AGTPBP1: variants seen among roughly 807,000 people sequenced by gnomAD.
AGTPBP1 encodes the protein cytosolic carboxypeptidase 1.
In AGTPBP1, 70 loss-of-function variants were observed where a neutral mutation model predicts 143.9. The ratio of observed to expected loss-of-function variants is 0.49; its 90% CI spans 0.40 to 0.59. The LOEUF (loss-of-function observed/expected upper bound fraction) is 0.59, where lower values mean the gene tolerates loss of function less well. Ranked by LOEUF, AGTPBP1 falls within the 20% of genes least tolerant of loss-of-function variation. The pLI is 0.00. For missense variants in AGTPBP1, 1,229 were observed against 1,464.5 expected (o/e 0.84, Z 2.62); for synonymous variants, 463 against 500.2 (o/e 0.93, Z 0.99).
At chr9:85,581,330 C>T (rs1828245437) in intron 23 of AGTPBP1, among the ~76,000 whole-genome samples, 1 of 152,166 alleles carries the variant, frequency 6.6e-6, no homozygotes, top group Admixed American at 6.5e-5. Context: ...TTGGCCAAGG[C>T]CTCAAGCATG....
intron 13 of AGTPBP1, among the ~76,000 whole-genome samples, chr9:85,634,736 T>C (rs1187995305): frequency 1.3e-5 from 2 of 152,180 alleles, no homozygotes; most frequent in Non-Finnish European, 2.9e-5. Flanking sequence ...GCAATAAAAA[T>C]CTTTTTGCAA....
At chr9:85,582,003 A>T (rs1828293730) in intron 23 of AGTPBP1, among the ~76,000 whole-genome samples, 1 of 152,236 alleles carries the variant, frequency 6.6e-6, no homozygotes, top group South Asian at 2.1e-4. Context: ...TCTAGTCCCA[A>T]GCATTTTAGA....
intron 1 of AGTPBP1, among the ~76,000 whole-genome samples, chr9:85,719,830 A>C (rs185575480): frequency 6.6e-5 from 10 of 152,310 alleles, no homozygotes; most frequent in Middle Eastern, 3.4e-3. Context: ...TTTGAGATAC[A>C]TTCCATCAAT....
chr9:85,752,237 GA>G, the AGTPBP1 span, among the ~76,000 whole-genome samples: 50 of 147,708 alleles, frequency 3.4e-4, no homozygotes, highest in African/African-American at 1.0e-3. Context: ...ACTTTGTCTA[GA>G]AAAAAAAAAG....
chr9:85,615,927 A>T (rs1830577784), intron 17 of AGTPBP1, among the ~76,000 whole-genome samples: 1 of 152,036 alleles, frequency 6.6e-6, no homozygotes, highest in African/African-American at 2.4e-5. Context: ...AATAAATTAC[A>T]GTACTTCCAC....
At chr9:85,626,830 T>A (rs1300432361) in intron 14 of AGTPBP1, among the ~76,000 whole-genome samples, 3 of 152,220 alleles carry the variant, frequency 2.0e-5, no homozygotes, top group African/African-American at 7.2e-5. Flanking sequence ...GACACGAATA[T>A]GAATTTCATA....
chr9:85,776,955 T>C, the AGTPBP1 span, among the ~76,000 whole-genome samples: 2 of 152,182 alleles, frequency 1.3e-5, no homozygotes, highest in Admixed American at 6.5e-5. Context: ...ATGCAGAGCA[T>C]ACACGGCCTT....
At chr9:85,615,858 G>C (rs1298606802) in intron 17 of AGTPBP1, among the ~76,000 whole-genome samples, 2 of 151,636 alleles carry the variant, frequency 1.3e-5, no homozygotes, top group Non-Finnish European at 1.5e-5. Context: ...GTTTATCTCG[G>C]CAATATTTAA....
chr9:85,702,649 GTCTC>G lies in AGTPBP1; in HGVS notation c.33-9840_33-9837del, dbSNP rs1416169024. Among the ~76,000 whole-genome samples the G allele has an allele frequency of 3.4e-5, 5 of 147,498 alleles. No homozygotes were observed. In the Middle Eastern group the frequency reaches 0.011, roughly 314 times the overall value. On this transcript the variant is annotated intron_variant, in intron 2 of 25. Transcript: ENST00000357081. ...ATGTTATTTCTGGTAACGACTCTCTGTCTCTCTCTCTTTTTTTTTTTTAACAGTA... is the reference window on the plus strand; with the variant it reads ...ATGTTATTTCTGGTAACGACTCTCTGTCTCTCTTTTTTTTTTTTAACAGTA...
At chr9:85,764,754 TG>T in the AGTPBP1 span, 1 of 1,304,996 alleles carries the variant, frequency 7.7e-7, no homozygotes, top group Non-Finnish European at 1.1e-6. Flanking sequence ...CTGAACTTAA[TG>T]GAACAAGACT....
chr9:85,743,910 CTT>C (rs1421988907), upstream of AGTPBP1, among the ~76,000 whole-genome samples: 12 of 136,902 alleles, frequency 8.8e-5, no homozygotes, highest in East Asian at 1.1e-3. Flanking sequence ...TTTTCTTTTT[CTT>C]TTTCTTTTTC....
At position 85,583,582 on chromosome 9, in the gene AGTPBP1, C is replaced by CA. The variant is rs551909675; in HGVS notation, c.3165+1880dup. Among the ~76,000 whole-genome samples, 38 of 151,994 alleles carry CA rather than the reference C, an allele frequency of 2.5e-4. No homozygotes were observed. The South Asian group carries it at 7.7e-3, about 31-fold the overall frequency. ...TTACATTTCCTTTCACAACAAAATT[C>CA]AAAAAATTAATCAAATAAAGAAATC... On this transcript the variant is annotated intron_variant, in intron 23 of 25. Transcript: ENST00000357081.
intron 25 of AGTPBP1, among the ~76,000 whole-genome samples, chr9:85,567,303 T>C (rs1378677928): frequency 6.6e-6 from 1 of 151,950 alleles, no homozygotes; most frequent in African/African-American, 2.4e-5. Flanking sequence ...TACAAGAAAA[T>C]GTGAGGGCTG....
At position 85,701,574 on chromosome 9, in the gene AGTPBP1, C is replaced by A. The variant is rs1836664842; in HGVS notation, c.33-8761G>T. 1.3e-5 allele frequency among the ~76,000 whole-genome samples: 2 copies of A among 152,126 alleles called. 1 individual carries two copies. Among genetic ancestry groups the A allele is most frequent in the South Asian group, 4.1e-4 (2 of 4,826 alleles). On this transcript the variant is annotated intron_variant, in intron 2 of 25. Transcript: ENST00000357081. ...AGTAGATGTTTATAAAGAATTAAAT[C>A]AATTACTATATTGTAGGAGTGATCA...
At chr9:85,762,734 A>C in the AGTPBP1 span, among the ~76,000 whole-genome samples, 3 of 150,468 alleles carry the variant, frequency 2.0e-5, no homozygotes, top group African/African-American at 7.4e-5. Flanking sequence ...ACAAACCTGC[A>C]CATTGTGCAC....
chr9:85,573,703 G>A (rs983607193), intron 25 of AGTPBP1, among the ~76,000 whole-genome samples: 7 of 151,284 alleles, frequency 4.6e-5, no homozygotes, highest in Admixed American at 2.0e-4. Flanking sequence ...AGTAAGGAGC[G>A]TCTCTGCCCG....
chr9:85,590,315 T>C (rs1235635364), intron 19 of AGTPBP1, among the ~76,000 whole-genome samples: 1 of 152,022 alleles, frequency 6.6e-6, no homozygotes, highest in African/African-American at 2.4e-5. Flanking sequence ...TACAGACTTT[T>C]ATAATTTGAT....
Position 85,575,443 on chromosome 9 carries a change from C to G in AGTPBP1, c.3375G>C (p.Glu1125Asp), listed in dbSNP as rs140566700. The G allele has an allele frequency of 1.1e-5, 17 of 1,607,724 alleles. No homozygotes were observed. In the African/African-American group the frequency reaches 2.1e-4, roughly 20 times the overall value. The change falls in exon 25 of 26, where the codon GAG becomes GAC. Residue 1125 changes from glutamate (E) to aspartate (D), a missense_variant. Transcript: ENST00000357081. The part of the protein sequence containing the change: ...GLQIGTRELE[E>D]MGAKFCVGLL... ...GACCAACACAAAATTTTGCTCCCAT[C>G]TCTTCCAGTTCTCGGGTACCAATCT...
chr9:85,678,646 C>A (rs1028225367), intron 4 of AGTPBP1, among the ~76,000 whole-genome samples: 1 of 152,094 alleles, frequency 6.6e-6, no homozygotes, highest in Non-Finnish European at 1.5e-5. Context: ...ATTTGAATTC[C>A]TCATCTTTCT....
Sources: gnomAD v4.1 joint callset for allele counts (sites outside exome capture counted in the v4.1 genomes callset) on GRCh38, gnomAD v4.1.1 for gene constraint, MANE v1.5 for transcripts, NCBI Gene and HGNC (gene_info 2026-07-23, HGNC 2026-07-21) for gene names.